SDCCAG8: variants seen among roughly 807,000 people sequenced by gnomAD.
The protein encoded by SDCCAG8 is serologically defined colon cancer antigen 8.
A neutral mutation model predicts 101.8 loss-of-function variants in SDCCAG8; 74 were observed. The observed-to-expected ratio is 0.73, with a 90% CI of 0.60 to 0.88. The LOEUF (loss-of-function observed/expected upper bound fraction) is 0.88. Among genes scored for constraint, SDCCAG8 ranks in the 40% least tolerant of loss-of-function variants. The pLI, the probability that SDCCAG8 is intolerant of heterozygous loss-of-function variation, is 0.00. For missense variants in SDCCAG8, 787 were observed against 822.6 expected (o/e 0.96, Z 0.53); for synonymous variants, 281 against 292.9 (o/e 0.96, Z 0.41).
At chr1:243,401,962 T>G (rs916472441) in intron 13 of SDCCAG8, among the ~76,000 whole-genome samples, 1 of 152,196 alleles carries the variant, frequency 6.6e-6, no homozygotes, top group Non-Finnish European at 1.5e-5. Flanking sequence ...TTAGTAGTTT[T>G]GGGCACCTGG....
chr1:243,372,997 AAGT>A (rs2077393582), intron 12 of SDCCAG8, among the ~76,000 whole-genome samples: 2 of 149,998 alleles, frequency 1.3e-5, no homozygotes, highest in South Asian at 4.2e-4. Context: ...GATAAAATAA[AAGT>A]AGAATAAAAT....
At chr1:243,425,854 G>T (rs10927013) in intron 15 of SDCCAG8, among the ~76,000 whole-genome samples, 76,409 of 151,920 alleles carry the variant, frequency 0.5, 20,680 homozygotes, top group East Asian at 0.78. Context: ...TGCATGGACG[G>T]CAATCTGCTT....
chr1:243,497,507 C>T (rs570431758), intron 17 of SDCCAG8, among the ~76,000 whole-genome samples: 17 of 151,988 alleles, frequency 1.1e-4, no homozygotes, highest in African/African-American at 3.9e-4. Context: ...TGGTGAGGCC[C>T]GTACATCTGT....
chr1:243,309,440 C>A (rs556344913), intron 8 of SDCCAG8, among the ~76,000 whole-genome samples: 1 of 152,164 alleles, frequency 6.6e-6, no homozygotes. Context: ...TCTATACTCC[C>A]AAGAATGATC....
chr1:243,309,307 G>A (rs989573047), intron 8 of SDCCAG8, among the ~76,000 whole-genome samples: 8 of 152,098 alleles, frequency 5.3e-5, no homozygotes, highest in Non-Finnish European at 1.2e-4. Flanking sequence ...TTTTAAAATG[G>A]TGACATAAGT....
intron 16 of SDCCAG8, among the ~76,000 whole-genome samples, chr1:243,446,538 G>A (rs1299358249): frequency 6.6e-6 from 1 of 152,158 alleles, no homozygotes; most frequent in Non-Finnish European, 1.5e-5. Flanking sequence ...TGGGATTATA[G>A]GCATGAGCCA....
chr1:243,310,463 G>A (rs367823709), intron 8 of SDCCAG8, among the ~76,000 whole-genome samples: 2 of 151,998 alleles, frequency 1.3e-5, no homozygotes, highest in African/African-American at 4.8e-5. Flanking sequence ...GTTTATATTT[G>A]AAAAACAAGA....
At chr1:243,349,953 G>A (rs192464494) in intron 12 of SDCCAG8, among the ~76,000 whole-genome samples, 25 of 151,882 alleles carry the variant, frequency 1.6e-4, no homozygotes, top group Admixed American at 1.4e-3. Flanking sequence ...TTCAGGGTGG[G>A]GTATCTCTGC....
At chr1:243,490,488 T>G (rs1221920817) in intron 17 of SDCCAG8, among the ~76,000 whole-genome samples, 1 of 152,242 alleles carries the variant, frequency 6.6e-6, no homozygotes, top group African/African-American at 2.4e-5. Flanking sequence ...CTGAAGTGTT[T>G]GGAGCTGGAA....
intron 5 of SDCCAG8, among the ~76,000 whole-genome samples, chr1:243,289,483 C>T (rs2069997584): frequency 6.6e-6 from 1 of 152,178 alleles, no homozygotes; most frequent in Non-Finnish European, 1.5e-5. Flanking sequence ...TCAGTATTAA[C>T]CATCTCATAT....
At chr1:243,483,991 C>T (rs3006921) in intron 16 of SDCCAG8, among the ~76,000 whole-genome samples, 7,165 of 152,276 alleles carry the variant, frequency 0.047, 583 homozygotes, top group African/African-American at 0.16. Flanking sequence ...CATGGTCTCG[C>T]CTCCCAGCAG....
intron 1 of SDCCAG8, among the ~76,000 whole-genome samples, chr1:243,260,167 G>A (rs901469639): frequency 1.3e-5 from 2 of 152,184 alleles, no homozygotes; most frequent in African/African-American, 4.8e-5. Flanking sequence ...AAACCGGAAG[G>A]CTTTGTTGCC....
intron 12 of SDCCAG8, among the ~76,000 whole-genome samples, chr1:243,359,462 AT>A (rs1427237907): frequency 1.3e-5 from 2 of 152,182 alleles, no homozygotes; most frequent in African/African-American, 4.8e-5. Context: ...TAGAAAAAAA[AT>A]ATATCATCCA....
intron 1 of SDCCAG8, among the ~76,000 whole-genome samples, chr1:243,269,362 G>T (rs972435153): frequency 7.3e-5 from 11 of 150,170 alleles, no homozygotes; most frequent in African/African-American, 2.7e-4. Flanking sequence ...GAGTGCAGTG[G>T]TGCGATCTCG....
At chr1:243,261,175 CT>C (rs542369748) in intron 1 of SDCCAG8, among the ~76,000 whole-genome samples, 55 of 152,108 alleles carry the variant, frequency 3.6e-4, no homozygotes, top group African/African-American at 1.2e-3. Context: ...TCTTTGCTTC[CT>C]TTTTTTTCTT....
intron 13 of SDCCAG8, among the ~76,000 whole-genome samples, chr1:243,399,600 G>T (rs548997653): frequency 2.0e-5 from 3 of 152,090 alleles, no homozygotes; most frequent in South Asian, 2.1e-4. Context: ...TCCGCCTCCC[G>T]GGTTCAAGTG....
intron 16 of SDCCAG8, among the ~76,000 whole-genome samples, chr1:243,484,014 C>T (rs1254660658): frequency 2.6e-5 from 4 of 152,222 alleles, no homozygotes; most frequent in Non-Finnish European, 5.9e-5. Context: ...TTGGCCCACC[C>T]AGCTAGAGCT....
chr1:243,446,435 T>G (rs1290870631), intron 16 of SDCCAG8, among the ~76,000 whole-genome samples: 1 of 151,966 alleles, frequency 6.6e-6, no homozygotes, highest in Non-Finnish European at 1.5e-5. Flanking sequence ...CCGGCTAATT[T>G]TTGTATGTTT....
chr1:243,356,527 T>C (rs2076394717), intron 12 of SDCCAG8, among the ~76,000 whole-genome samples: 1 of 152,000 alleles, frequency 6.6e-6, no homozygotes, highest in South Asian at 2.1e-4. Flanking sequence ...TTCCTGTTTA[T>C]ACTGTTTCAC....
Sources: allele counts gnomAD v4.1 joint callset (sites outside exome capture counted in the v4.1 genomes callset), GRCh38; gene constraint gnomAD v4.1.1; transcripts MANE v1.5; gene names NCBI Gene and HGNC (gene_info 2026-07-23, HGNC 2026-07-21).